The following UCN2 variants were observed in gnomAD, a reference collection of about 807,000 sequenced individuals.
UCN2 encodes the protein urocortin 2.
A neutral mutation model predicts 1.6 loss-of-function variants in UCN2; 3 were observed. The observed-to-expected ratio is 1.88, with a 90% confidence interval of 0.85 to 4.85. UCN2 has a LOEUF of 4.85. Ranked by LOEUF, UCN2 falls within the 30% of genes most tolerant of loss-of-function variation. The probability of loss-of-function intolerance (pLI) is 0.02; values close to 1 mark genes in which losing one functional copy is unlikely to be tolerated. For synonymous variants in UCN2, 64 were observed against 66.0 expected, an observed-to-expected ratio of 0.97 and a Z score of 0.15; for missense variants, 127 against 150.8, an observed-to-expected ratio of 0.84 and a Z score of 0.83.
At position 48,562,713 on chromosome 3, in the gene UCN2, G is replaced by A. The variant is rs423561; in HGVS notation, c.*73C>T. 6,119 of 1,387,924 alleles carry A rather than the reference G, an allele frequency of 4.4e-3. 22 individuals carry two copies. Among genetic ancestry groups the A allele is most frequent in the Non-Finnish European group, 5.5e-3 (5,723 of 1,039,366 alleles). The allele number at this position is 1,387,924 out of a possible 1,614,324, so 86.0% of individuals were successfully genotyped here. A position where few individuals can be genotyped will look rare whatever the true frequency, so the allele number is the denominator to read the frequency against. ...TGTATGCCCAGATGTGGCAGCATCC[G>A]TCCAGCTGTGTGGCTGCCCTCCAGG... On this transcript the variant is annotated 3_prime_UTR_variant, in exon 2 of 2. Transcript: ENST00000273610. The surrounding 1 kb of genome is among the most constrained non-coding windows in gnomAD (Gnocchi z 4.3).
chr3:48,563,009 G>A lies in UCN2; in HGVS notation c.116C>T (p.Thr39Ile), dbSNP rs200038467. ...GCTCTCTGAGGCCGCAGGTCGGGGA[G>A]TGGTCTGGGGAGAATTCTGAGGGCG... ...QLRPQNSPQT[T>I]PRPAASESPS... Residue 39 changes from threonine (T) to isoleucine (I), a missense_variant, in exon 2 of 2, where the codon ACT becomes ATT. This residue lies in a region of UCN2 where 122 missense variants were observed against 131.5 expected (regional missense o/e 0.93). Coordinates refer to ENST00000273610, the MANE Select transcript of UCN2 (RefSeq NM_033199.4). This position sits in a 1 kb window ranked among gnomAD's most constrained non-coding sequence, Gnocchi z 4.5. 55 of 1,610,948 alleles carry A rather than the reference G, an allele frequency of 3.4e-5. No individual in the cohort carries two copies. In the Middle Eastern group the frequency reaches 8.3e-4, roughly 24 times the overall value.
At position 48,562,538 on chromosome 3, in the gene UCN2, A is replaced by G. The variant is rs1333885226; in HGVS notation, c.*248T>C. On this transcript the variant is annotated 3_prime_UTR_variant, in exon 2 of 2. Coordinates refer to ENST00000273610, the MANE Select transcript of UCN2 (RefSeq NM_033199.4). The surrounding 1 kb of genome is among the most constrained non-coding windows in gnomAD (Gnocchi z 4.3). ...CAGGCATGGCAAGACTCCATGTGGC[A>G]GTGACCCAACTTAGCAATGTCCAAT... The G allele has an allele frequency of 1.5e-5, 8 of 542,764 alleles. No individual in the cohort carries two copies. The highest frequency in any genetic ancestry group is 4.9e-5 in the South Asian group (2 of 40,614). The allele number at this position is 542,764 out of a possible 1,614,324, so 33.6% of individuals were successfully genotyped here. A position where few individuals can be genotyped will look rare whatever the true frequency, so the allele number is the denominator to read the frequency against.
In UCN2 at chr3:48,563,518, GCAGGCGGTTCT is replaced by G. The variant is rs2043471278; in HGVS notation, c.-13+174_-13+184del. Among the ~76,000 whole-genome samples, 3 of 152,150 alleles carry G rather than the reference GCAGGCGGTTCT, an allele frequency of 2.0e-5. No individual in the cohort carries two copies. Among genetic ancestry groups the G allele is most frequent in the Admixed American group, 2.0e-4 (3 of 15,278 alleles). Reference sequence around the variant, plus strand: ...ACAGAAACACAGAGTCCACAGGAGGGCAGGCGGTTCTCAGCAGGAGAGCTTGCAGCTGATCC... The same window carrying G: ...ACAGAAACACAGAGTCCACAGGAGGGCAGCAGGAGAGCTTGCAGCTGATCC... On this transcript the variant is annotated intron_variant, in intron 1 of 1. Coordinates refer to ENST00000273610, the MANE Select transcript of UCN2 (RefSeq NM_033199.4). This position sits in a 1 kb window ranked among gnomAD's most constrained non-coding sequence, Gnocchi z 4.5.
Position 48,562,619 on chromosome 3 carries a change from C to T in UCN2, c.*167G>A. The T allele has an allele frequency of 1.5e-6, 1 of 675,642 alleles. No individual in the cohort carries two copies. The highest frequency in any genetic ancestry group is 2.5e-6 in the Non-Finnish European group (1 of 407,822). The allele number at this position is 675,642 out of a possible 1,614,324, so 41.9% of individuals were successfully genotyped here. ...GTGGGGCACTCAGATCTGATATGAC[C>T]TGCATGACAGTGGCTCCATGTGGCA... On this transcript the variant is annotated 3_prime_UTR_variant, in exon 2 of 2. Transcript: ENST00000273610. This position sits in a 1 kb window ranked among gnomAD's most constrained non-coding sequence, Gnocchi z 4.3.
In UCN2 at chr3:48,562,750, A is replaced by C; in HGVS notation, c.*36T>G. On this transcript the variant is annotated 3_prime_UTR_variant, in exon 2 of 2. Coordinates refer to ENST00000273610, the MANE Select transcript of UCN2 (RefSeq NM_033199.4). The surrounding 1 kb of genome is among the most constrained non-coding windows in gnomAD (Gnocchi z 4.3). ...GGCTGCCCTCCAGGTCTTCCCATCC[A>C]GGGTGGCCCTATCACTGTGACCCCC... 6.7e-7 allele frequency: 1 copy of C among 1,503,550 alleles called. No homozygotes were observed. Among genetic ancestry groups the C allele is most frequent in the East Asian group, 2.5e-5 (1 of 40,686 alleles). 93.1% of individuals were successfully genotyped at this position (1,503,550 alleles called of 1,614,324 possible).
rs754381784 is a variant in UCN2, at chr3:48,562,815, G to T, written c.310C>A (p.Arg104Ser). The stretch of plus-strand genomic sequence containing the variant: ...CAGTGGCCGACACGGGCCAGGATGC[G>T]GGCGTTGGTGGTGGCCTGCTCCCTG... ...AAREQATTNA[R>S]ILARVGHC is the part of the protein sequence containing the mutation. The change falls in exon 2 of 2, where the codon CGC becomes AGC. Residue 104 changes from arginine to serine, a missense_variant. Physicochemically the swap from Arg to Ser is moderately radical, Grantham distance 110. Transcript: ENST00000273610. The surrounding 1 kb of genome is among the most constrained non-coding windows in gnomAD (Gnocchi z 4.3). The T allele has an allele frequency of 1.9e-6, 3 of 1,566,230 alleles. No homozygotes were observed. Among genetic ancestry groups the T allele is most frequent in the Admixed American group, 3.8e-5 (2 of 53,030 alleles).
Position 48,562,532 on chromosome 3 carries a change from T to A in UCN2, c.*254A>T. 2 of 537,066 alleles carry A rather than the reference T, an allele frequency of 3.7e-6. No homozygotes were observed. Among genetic ancestry groups the A allele is most frequent in the African/African-American group, 2.0e-5 (1 of 51,202 alleles). The allele number at this position is 537,066 out of a possible 1,614,324, so 33.3% of individuals were successfully genotyped here. Reference sequence around the variant, plus strand: ...GGCACACAGGCATGGCAAGACTCCATGTGGCAGTGACCCAACTTAGCAATG... The same window carrying A: ...GGCACACAGGCATGGCAAGACTCCAAGTGGCAGTGACCCAACTTAGCAATG... On this transcript the variant is annotated 3_prime_UTR_variant, in exon 2 of 2. Coordinates refer to ENST00000273610, the MANE Select transcript of UCN2 (RefSeq NM_033199.4). The surrounding 1 kb of genome is among the most constrained non-coding windows in gnomAD (Gnocchi z 4.3).
chr3:48,562,415 G>C lies in UCN2; in HGVS notation c.*371C>G, dbSNP rs991019868. On this transcript the variant is annotated 3_prime_UTR_variant, in exon 2 of 2. Coordinates refer to ENST00000273610, the MANE Select transcript of UCN2 (RefSeq NM_033199.4). The surrounding 1 kb of genome is among the most constrained non-coding windows in gnomAD (Gnocchi z 4.3). Reference sequence around the variant, plus strand: ...ATGTGGCGGTGTCCAGGTGTTCTGTGACTATGGGGCACCCAGACATAGCAA... The same window carrying C: ...ATGTGGCGGTGTCCAGGTGTTCTGTCACTATGGGGCACCCAGACATAGCAA... The C allele has an allele frequency of 7.5e-6, 2 of 266,952 alleles. No homozygotes were observed. The highest frequency in any genetic ancestry group is 1.4e-5 in the Non-Finnish European group (2 of 139,934). The allele number at this position is 266,952 out of a possible 1,614,324, so 16.5% of individuals were successfully genotyped here.
chr3:48,562,829 G>T lies in UCN2; in HGVS notation c.296C>A (p.Ala99Asp). ...QARARAAREQ[A>D]TTNARILARV... Reference sequence around the variant, plus strand: ...GGCCAGGATGCGGGCGTTGGTGGTGGCCTGCTCCCTGGCAGCCCTGGCCCG... The same window carrying T: ...GGCCAGGATGCGGGCGTTGGTGGTGTCCTGCTCCCTGGCAGCCCTGGCCCG... Residue 99 changes from alanine to aspartate, a missense_variant, in exon 2 of 2, where the codon GCC becomes GAC. Around this residue, in one of 2 missense-constraint regions of UCN2, gnomAD observed 122 missense variants for 131.5 expected, o/e 0.93. Coordinates refer to ENST00000273610, the MANE Select transcript of UCN2 (RefSeq NM_033199.4). The surrounding 1 kb of genome is among the most constrained non-coding windows in gnomAD (Gnocchi z 4.3). The T allele has an allele frequency of 1.3e-6, 2 of 1,576,254 alleles. No individual in the cohort carries two copies. Among genetic ancestry groups the T allele is most frequent in the Middle Eastern group, 1.7e-4 (1 of 6,024 alleles).
chr3:48,563,749 G>T lies in UCN2; in HGVS notation c.-59C>A. On this transcript the variant is annotated 5_prime_UTR_variant, in exon 1 of 2. Transcript: ENST00000273610. The surrounding 1 kb of genome is among the most constrained non-coding windows in gnomAD (Gnocchi z 4.5). ...TAAGGCAGCCTGCTGTGGCTGCCTGGGGCTGGGGCCAGGCACTACTGTCCT... is the reference window on the plus strand; with the variant it reads ...TAAGGCAGCCTGCTGTGGCTGCCTGTGGCTGGGGCCAGGCACTACTGTCCT... 6.1e-6 allele frequency: 1 copy of T among 163,732 alleles called. No individual in the cohort carries two copies. The highest frequency in any genetic ancestry group is 1.3e-5 in the Non-Finnish European group (1 of 74,612). The allele number at this position is 163,732 out of a possible 1,614,324, so 10.1% of individuals were successfully genotyped here.
rs1428874946 is a variant in UCN2 at position 48,562,226 on chromosome 3, C to T, written c.*560G>A. 6.5e-6 allele frequency: 1 copy of T among 153,694 alleles called. No homozygotes were observed. The highest frequency in any genetic ancestry group is 1.4e-5 in the Non-Finnish European group (1 of 69,024). The allele number at this position is 153,694 out of a possible 1,614,324, so 9.5% of individuals were successfully genotyped here. A position where few individuals can be genotyped will look rare whatever the true frequency, so the allele number is the denominator to read the frequency against. ...CCCTCACAGCCCCGTCCATCTGGGG[C>T]AGGTGCTGCCTCATGGGGCACAGAG... is the stretch of plus-strand genomic sequence containing the variant. On this transcript the variant is annotated 3_prime_UTR_variant, in exon 2 of 2. Transcript: ENST00000273610. The surrounding 1 kb of genome is among the most constrained non-coding windows in gnomAD (Gnocchi z 4.3).
chr3:48,562,915 C>G lies in UCN2; in HGVS notation c.210G>C (p.Ser70=). The part of the protein sequence containing the change: ...SHCSPTRHPG[S]RIVLSLDVPI... ...GGACATCCAGCGATAGGACAATGCGCGAGCCAGGGTGGCGGGTGGGGCTGC... is the reference window on the plus strand; with the variant it reads ...GGACATCCAGCGATAGGACAATGCGGGAGCCAGGGTGGCGGGTGGGGCTGC... Residue 70 remains serine, a synonymous_variant, in exon 2 of 2, where the codon TCG becomes TCC. Transcript: ENST00000273610. The surrounding 1 kb of genome is among the most constrained non-coding windows in gnomAD (Gnocchi z 4.3). 6.2e-7 allele frequency: 1 copy of G among 1,604,514 alleles called. No individual in the cohort carries two copies. Among genetic ancestry groups the G allele is most frequent in the Non-Finnish European group, 8.5e-7 (1 of 1,175,524 alleles).
rs1024301678 is a variant in UCN2 at position 48,562,658 on chromosome 3, G to A, written c.*128C>T. The A allele has an allele frequency of 1.1e-6, 1 of 905,564 alleles. No individual in the cohort carries two copies. Among genetic ancestry groups the A allele is most frequent in the East Asian group, 2.7e-5 (1 of 37,612 alleles). The allele number at this position is 905,564 out of a possible 1,614,324, so 56.1% of individuals were successfully genotyped here. On this transcript the variant is annotated 3_prime_UTR_variant, in exon 2 of 2. Coordinates refer to ENST00000273610, the MANE Select transcript of UCN2 (RefSeq NM_033199.4). This position sits in a 1 kb window ranked among gnomAD's most constrained non-coding sequence, Gnocchi z 4.3. ...CTCCATGTGGCAGTGTCCAGACACT[G>A]TATGCCCAGATGTGGCAGCGTCCAG...
In UCN2 at chr3:48,562,628, A is replaced by T; in HGVS notation, c.*158T>A. The T allele has an allele frequency of 1.4e-6, 1 of 695,518 alleles. No individual in the cohort carries two copies. The highest frequency in any genetic ancestry group is 2.3e-6 in the Non-Finnish European group (1 of 425,692). 43.1% of individuals were successfully genotyped at this position (695,518 alleles called of 1,614,324 possible). A position where few individuals can be genotyped will look rare whatever the true frequency, so the allele number is the denominator to read the frequency against. On this transcript the variant is annotated 3_prime_UTR_variant, in exon 2 of 2. Transcript: ENST00000273610. The surrounding 1 kb of genome is among the most constrained non-coding windows in gnomAD (Gnocchi z 4.3). ...TCAGATCTGATATGACCTGCATGAC[A>T]GTGGCTCCATGTGGCAGTGTCCAGA...
At position 48,562,475 on chromosome 3, in the gene UCN2, C is replaced by T. The variant is rs915061668; in HGVS notation, c.*311G>A. 3.9e-5 allele frequency: 16 copies of T among 407,124 alleles called. No individual in the cohort carries two copies. In the Admixed American group the frequency reaches 5.3e-4, roughly 14 times the overall value. The allele number at this position is 407,124 out of a possible 1,614,324, so 25.2% of individuals were successfully genotyped here. A position where few individuals can be genotyped will look rare whatever the true frequency, so the allele number is the denominator to read the frequency against. On this transcript the variant is annotated 3_prime_UTR_variant, in exon 2 of 2. Coordinates refer to ENST00000273610, the MANE Select transcript of UCN2 (RefSeq NM_033199.4). This position sits in a 1 kb window ranked among gnomAD's most constrained non-coding sequence, Gnocchi z 4.3. ...CAGCAGTGACCTTACGTGGCAGCAT[C>T]CAAGCTGTCCGGACATATATTAGGT...
In UCN2 at chr3:48,562,832, T is replaced by C; in HGVS notation, c.293A>G (p.Gln98Arg). 6.3e-7 allele frequency: 1 copy of C among 1,578,386 alleles called. No individual in the cohort carries two copies. The highest frequency in any genetic ancestry group is 8.6e-7 in the Non-Finnish European group (1 of 1,162,772). ...EQARARAARE[Q>R]ATTNARILAR... is the part of the protein sequence containing the mutation. The stretch of plus-strand genomic sequence containing the variant: ...CAGGATGCGGGCGTTGGTGGTGGCC[T>C]GCTCCCTGGCAGCCCTGGCCCGGGC... Residue 98 changes from glutamine to arginine, a missense_variant, in exon 2 of 2, where the codon CAG becomes CGG. Physicochemically the swap from Gln to Arg is conservative, Grantham distance 43. Around this residue, in one of 2 missense-constraint regions of UCN2, gnomAD observed 122 missense variants for 131.5 expected, o/e 0.93. Transcript: ENST00000273610. The surrounding 1 kb of genome is among the most constrained non-coding windows in gnomAD (Gnocchi z 4.3).
rs2043459304 is a variant in UCN2, at chr3:48,562,946, C to T, written c.179G>A (p.Ser60Asn). 2 of 1,605,266 alleles carry T rather than the reference C, an allele frequency of 1.2e-6. No homozygotes were observed. The highest frequency in any genetic ancestry group is 1.7e-4 in the Middle Eastern group (1 of 6,028). The part of the protein sequence containing the change: ...AAPTWPWAAQ[S>N]HCSPTRHPGS... ...AGGGTGGCGGGTGGGGCTGCAGTGGCTCTGGGCAGCCCACGGCCATGTGGG... is the reference window on the plus strand; with the variant it reads ...AGGGTGGCGGGTGGGGCTGCAGTGGTTCTGGGCAGCCCACGGCCATGTGGG... The change falls in exon 2 of 2, where the codon AGC (serine) becomes AAC (asparagine). Residue 60 changes from serine to asparagine, a missense_variant. Physicochemically the swap from Ser to Asn is conservative, Grantham distance 46. Coordinates refer to ENST00000273610, the MANE Select transcript of UCN2 (RefSeq NM_033199.4). This position sits in a 1 kb window ranked among gnomAD's most constrained non-coding sequence, Gnocchi z 4.3.
chr3:48,563,084 A>AC lies in UCN2; in HGVS notation c.40_41insG (p.Leu14CysfsTer309). The AC allele has an allele frequency of 6.2e-7, 1 of 1,612,020 alleles. No homozygotes were observed. The highest frequency in any genetic ancestry group is 2.2e-5 in the East Asian group (1 of 44,820). ...CACTGGGACAACCAGGACTCTGCCC[A>AC]ACATCAGGACCATCAGCAACAGCAG... is the stretch of plus-strand genomic sequence containing the variant. On this transcript the variant is annotated frameshift_variant, in exon 2 of 2. Coordinates refer to ENST00000273610, the MANE Select transcript of UCN2 (RefSeq NM_033199.4). LOFTEE classifies it low-confidence loss of function (END_TRUNC). The surrounding 1 kb of genome is among the most constrained non-coding windows in gnomAD (Gnocchi z 4.5).
rs545711925 is a variant in UCN2 at position 48,563,324 on chromosome 3, A to G, written c.-12-188T>C. ...GACAAGAGGAGAGCCAGAATGAGACAAAGAGGCAGAAAGCAAGACAGAAAA... is the reference window on the plus strand; with the variant it reads ...GACAAGAGGAGAGCCAGAATGAGACGAAGAGGCAGAAAGCAAGACAGAAAA... On this transcript the variant is annotated intron_variant, in intron 1 of 1. Transcript: ENST00000273610. The surrounding 1 kb of genome is among the most constrained non-coding windows in gnomAD (Gnocchi z 4.5). Among the ~76,000 whole-genome samples the G allele has an allele frequency of 2.0e-5, 3 of 152,042 alleles. No homozygotes were observed. The East Asian group carries it at 5.8e-4, about 29-fold the overall frequency.
Sources: gnomAD v4.1 joint callset for allele counts (sites outside exome capture counted in the v4.1 genomes callset) on GRCh38, gnomAD v4.1.1 for gene constraint, gnomAD v4.1.1 regional missense constraint, Gnocchi (gnomAD v3.1) non-coding constraint, MANE v1.5 for transcripts, NCBI Gene and HGNC (gene_info 2026-07-23, HGNC 2026-07-21) for gene names.